The following RASGEF1C variants were observed in gnomAD, a reference collection of about 807,000 sequenced individuals.
RASGEF1C encodes the protein ras-GEF domain-containing family member 1C.
A neutral mutation model predicts 58.1 loss-of-function variants in RASGEF1C; 27 were observed. The observed-to-expected ratio is 0.46, with a 90% CI of 0.34 to 0.64. The LOEUF (loss-of-function observed/expected upper bound fraction) is 0.64. RASGEF1C is among the 30% of genes least tolerant of loss of function. The probability of loss-of-function intolerance (pLI) is 0.01; values close to 1 mark genes in which losing one functional copy is unlikely to be tolerated. For synonymous variants in RASGEF1C, 243 were observed against 246.3 expected (o/e 0.99, Z 0.13); for missense variants, 502 against 605.1 (o/e 0.83, Z 1.79).
chr5:180,150,406 T>C (rs1766727316), intron 1 of RASGEF1C, among the ~76,000 whole-genome samples: 1 of 152,220 alleles, frequency 6.6e-6, no homozygotes, highest in Admixed American at 6.5e-5. Context: ...TATTTTTCCT[T>C]CAAATGATCC....
At position 180,169,143 on chromosome 5, in the gene RASGEF1C, C is replaced by A. The variant is rs143362770; in HGVS notation, c.-6-31085G>T. On this transcript the variant is annotated intron_variant, in intron 1 of 13. Coordinates refer to ENST00000361132, the MANE Select transcript of RASGEF1C (RefSeq NM_175062.4). Reference sequence around the variant, plus strand: ...TTTAAAAATAAATCACGTTTGCTTTCATTACATTAATGTTTATGGTCACTT... The same window carrying A: ...TTTAAAAATAAATCACGTTTGCTTTAATTACATTAATGTTTATGGTCACTT... Among the ~76,000 whole-genome samples the A allele has an allele frequency of 7.6e-3, 1,160 of 152,216 alleles. 5 individuals carry two copies. Among genetic ancestry groups the A allele is most frequent in the Non-Finnish European group, 0.011 (718 of 68,032 alleles).
At chr5:180,118,960 GAGGTCTGCAGGGCTC>G in intron 8 of RASGEF1C, 94 bp from the exon 9 acceptor site, 1 of 1,168,734 alleles carries the variant, frequency 8.6e-7, no homozygotes. Flanking sequence ...GACCAGGGCT[GAGGTCTGCAGGGCTC>G]AGCCTGTCAC....
chr5:180,139,994 G>A (rs981438486), intron 1 of RASGEF1C, among the ~76,000 whole-genome samples: 1 of 152,236 alleles, frequency 6.6e-6, no homozygotes, highest in African/African-American at 2.4e-5. Context: ...GCCTCTGCAG[G>A]ATGGTGGGAG....
intron 10 of RASGEF1C, 57 bp from the exon 11 acceptor site, chr5:180,114,598 G>T: frequency 6.5e-7 from 1 of 1,529,670 alleles, no homozygotes. Flanking sequence ...GCGGGCTCCA[G>T]GACGGGGGGC....
chr5:180,113,133 T>C lies in RASGEF1C; in HGVS notation c.1179+1313A>G, dbSNP rs866628468. On this transcript the variant is annotated intron_variant, in intron 11 of 13. Transcript: ENST00000361132. ...GAGGGACCGGGGATGGACGGAGGGA[T>C]CGAGGATGGATGGAGGGATCTGGGC... 5.9e-4 allele frequency among the ~76,000 whole-genome samples: 43 copies of C among 72,312 alleles called. 2 individuals carry two copies. Among genetic ancestry groups the C allele is most frequent in the East Asian group, 9.0e-4 (2 of 2,226 alleles). The allele number at this position is 72,312 out of a possible 152,430, so 47.4% of individuals were successfully genotyped here.
intron 1 of RASGEF1C, among the ~76,000 whole-genome samples, chr5:180,174,543 TGTGTGC>T (rs1410120502): frequency 7.9e-6 from 1 of 126,036 alleles, no homozygotes; most frequent in African/African-American, 3.2e-5. Context: ...TGTGTGTGCG[TGTGTGC>T]GTGTGTCTGT....
chr5:180,108,345 G>A (rs2113237399), intron 12 of RASGEF1C, among the ~76,000 whole-genome samples: 1 of 151,950 alleles, frequency 6.6e-6, no homozygotes, highest in Middle Eastern at 3.4e-3. Context: ...GGGACTACAG[G>A]TGCCCGACAC....
chr5:180,131,661 G>T (rs918650333), intron 4 of RASGEF1C, among the ~76,000 whole-genome samples: 2 of 152,202 alleles, frequency 1.3e-5, no homozygotes, highest in Admixed American at 6.5e-5. Context: ...TGCTGAATGC[G>T]TGGATAAACA....
chr5:180,188,415 G>A (rs1756079638), intron 1 of RASGEF1C, among the ~76,000 whole-genome samples: 1 of 152,196 alleles, frequency 6.6e-6, no homozygotes, highest in South Asian at 2.1e-4. Flanking sequence ...GGCAGTTACA[G>A]AACCTTTGCA....
chr5:180,126,484 T>G (rs536898166), intron 6 of RASGEF1C, among the ~76,000 whole-genome samples: 1 of 152,274 alleles, frequency 6.6e-6, no homozygotes, highest in South Asian at 2.1e-4. Flanking sequence ...CAGTCAGCAT[T>G]CCTAGAGAGT....
At chr5:180,165,804 C>T (rs935845902) in intron 1 of RASGEF1C, among the ~76,000 whole-genome samples, 1 of 124,882 alleles carries the variant, frequency 8.0e-6, no homozygotes, top group Non-Finnish European at 1.6e-5. Context: ...GGCTGGAGTG[C>T]AGTGGTGTGA....
chr5:180,107,591 A>T lies in RASGEF1C; in HGVS notation c.1303+3866T>A, dbSNP rs140774432. 1.1e-4 allele frequency among the ~76,000 whole-genome samples: 17 copies of T among 151,828 alleles called. No homozygotes were observed. In the East Asian group the frequency reaches 1.2e-3, roughly 10 times the overall value. ...TTCTCTCTCAGTGTTTTTAATATTT[A>T]AAAAAAAATTTATTTTTTAATTATT... On this transcript the variant is annotated intron_variant, in intron 12 of 13. Coordinates refer to ENST00000361132, the MANE Select transcript of RASGEF1C (RefSeq NM_175062.4).
intron 1 of RASGEF1C, among the ~76,000 whole-genome samples, chr5:180,161,991 C>G (rs899156370): frequency 6.6e-6 from 1 of 152,208 alleles, no homozygotes; most frequent in Non-Finnish European, 1.5e-5. Context: ...GGTGGGTATC[C>G]CAAAGCAAGT....
chr5:180,118,500 G>C (rs975255567), intron 10 of RASGEF1C, 109 bp downstream of exon 10: 5 of 1,019,914 alleles, frequency 4.9e-6, no homozygotes, highest in Non-Finnish European at 7.2e-6. Context: ...AGGAGACCTG[G>C]CTGTCTATTA....
intron 12 of RASGEF1C, among the ~76,000 whole-genome samples, chr5:180,105,289 G>A (rs536275925): frequency 2.4e-4 from 37 of 152,262 alleles, no homozygotes; most frequent in African/African-American, 7.9e-4. Context: ...TTTGCCAGGC[G>A]CGGTGGCTCA....
intron 10 of RASGEF1C, 109 bp from the exon 11 acceptor site, chr5:180,114,650 AC>A (rs905315449): frequency 3.9e-6 from 4 of 1,026,450 alleles, no homozygotes; most frequent in African/African-American, 1.6e-5. Context: ...CTCAGACCCG[AC>A]CCCAGGGTGC....
At chr5:180,186,847 T>C (rs1379103444) in intron 1 of RASGEF1C, among the ~76,000 whole-genome samples, 1 of 152,182 alleles carries the variant, frequency 6.6e-6, no homozygotes, top group African/African-American at 2.4e-5. Flanking sequence ...ATGCCTGTAA[T>C]GCCAGCTTCT....
At chr5:180,174,563 T>C (rs1166895446) in intron 1 of RASGEF1C, among the ~76,000 whole-genome samples, 1 of 150,570 alleles carries the variant, frequency 6.6e-6, no homozygotes, top group East Asian at 2.0e-4. Flanking sequence ...TGTCTGTGTG[T>C]GCACGTGTGT....
At chr5:180,205,691 A>G (rs866582387) in intron 1 of RASGEF1C, among the ~76,000 whole-genome samples, 18 of 148,210 alleles carry the variant, frequency 1.2e-4, no homozygotes, top group Admixed American at 3.5e-4. Flanking sequence ...GGTCTTGAAT[A>G]AAGTCCTCTT....
Sources: allele counts gnomAD v4.1 joint callset (sites outside exome capture counted in the v4.1 genomes callset), GRCh38; gene constraint gnomAD v4.1.1; transcripts MANE v1.5; gene names NCBI Gene and HGNC (gene_info 2026-07-23, HGNC 2026-07-21).